SLC25A21: variants seen among roughly 807,000 people sequenced by gnomAD.
SLC25A21 encodes the protein mitochondrial 2-oxodicarboxylate carrier.
In SLC25A21, 47 loss-of-function variants were observed where a neutral mutation model predicts 43.8. The observed-to-expected ratio is 1.07, with a 90% confidence interval of 0.85 to 1.37. The LOEUF (loss-of-function observed/expected upper bound fraction) is 1.37. Ranked by LOEUF, SLC25A21 falls within the 40% of genes most tolerant of loss-of-function variation. The pLI, the probability that SLC25A21 is intolerant of heterozygous loss-of-function variation, is 0.00. For synonymous variants in SLC25A21, 131 were observed against 121.3 expected (o/e 1.08, Z -0.52); for missense variants, 352 against 350.2 (o/e 1.00, Z -0.04).
Position 37,172,451 on chromosome 14 carries a change from C to G in SLC25A21, c.-101G>C. ...AGAGAGCCCCGGCTGGGCTGGTCCTCAAGCGCGTTGGCTCCCTGTGGAGCA... is the reference window on the plus strand; with the variant it reads ...AGAGAGCCCCGGCTGGGCTGGTCCTGAAGCGCGTTGGCTCCCTGTGGAGCA... On this transcript the variant is annotated 5_prime_UTR_variant, in exon 1 of 10. Transcript: ENST00000331299. 8.0e-7 allele frequency: 1 copy of G among 1,257,548 alleles called. No homozygotes were observed. The highest frequency in any genetic ancestry group is 1.1e-6 in the Non-Finnish European group (1 of 879,084). The allele number at this position is 1,257,548 out of a possible 1,614,324, so 77.9% of individuals were successfully genotyped here.
intron 1 of SLC25A21, among the ~76,000 whole-genome samples, chr14:37,011,830 C>T (rs576163166): frequency 6.6e-6 from 1 of 152,168 alleles, no homozygotes. Flanking sequence ...TTGGCTAGAG[C>T]ATTCCGAGCA....
At chr14:36,856,881 C>G (rs1391852559) in intron 2 of SLC25A21, among the ~76,000 whole-genome samples, 1 of 152,212 alleles carries the variant, frequency 6.6e-6, no homozygotes, top group Non-Finnish European at 1.5e-5. Context: ...ACATGAATAT[C>G]TGGCTTGCTT....
intron 1 of SLC25A21, among the ~76,000 whole-genome samples, chr14:37,165,671 G>C (rs1964018348): frequency 3.3e-5 from 5 of 152,114 alleles, no homozygotes; most frequent in Admixed American, 3.3e-4. Flanking sequence ...CCTAGTAAGA[G>C]CAGGACCACT....
At chr14:36,994,381 A>G (rs1351299030) in intron 1 of SLC25A21, among the ~76,000 whole-genome samples, 1 of 152,228 alleles carries the variant, frequency 6.6e-6, no homozygotes, top group Non-Finnish European at 1.5e-5. Flanking sequence ...TAAGGTAATC[A>G]GACATTTCCT....
intron 7 of SLC25A21, among the ~76,000 whole-genome samples, chr14:36,690,419 T>G (rs2139150492): frequency 6.6e-6 from 1 of 152,306 alleles, no homozygotes; most frequent in Admixed American, 6.5e-5. Flanking sequence ...GTTAAGTCAG[T>G]TGTCCAAGAT....
chr14:37,059,057 A>C (rs1961889256), intron 1 of SLC25A21, among the ~76,000 whole-genome samples: 1 of 152,218 alleles, frequency 6.6e-6, no homozygotes. Context: ...TAATTATTCA[A>C]GTATCTTTTC....
At chr14:36,999,870 T>G (rs1960449994) in intron 1 of SLC25A21, among the ~76,000 whole-genome samples, 1 of 152,138 alleles carries the variant, frequency 6.6e-6, no homozygotes, top group African/African-American at 2.4e-5. Flanking sequence ...TATTATCCAT[T>G]GTCTGTCTTC....
chr14:36,690,087 G>T (rs1290141369), intron 7 of SLC25A21, among the ~76,000 whole-genome samples: 1 of 152,176 alleles, frequency 6.6e-6, no homozygotes, highest in Non-Finnish European at 1.5e-5. Flanking sequence ...GGGGTCACCT[G>T]ATCTGAGTGA....
chr14:37,138,249 C>T (rs1041204435), intron 1 of SLC25A21, among the ~76,000 whole-genome samples: 1 of 151,920 alleles, frequency 6.6e-6, no homozygotes, highest in South Asian at 2.1e-4. Flanking sequence ...ATAAAAGATA[C>T]GAAGAAAAAG....
chr14:36,841,476 A>AT (rs1889381840), intron 2 of SLC25A21, among the ~76,000 whole-genome samples: 1 of 151,952 alleles, frequency 6.6e-6, no homozygotes, highest in Non-Finnish European at 1.5e-5. Flanking sequence ...ATCCTCCTGC[A>AT]TTTTTTTCCC....
chr14:36,704,744 C>T (rs1225689931), intron 7 of SLC25A21, among the ~76,000 whole-genome samples: 2 of 151,908 alleles, frequency 1.3e-5, no homozygotes, highest in African/African-American at 4.8e-5. Flanking sequence ...ATGATACAGT[C>T]GAAAGAGTTC....
At chr14:36,919,088 GATGAATGAATGA>G (rs112178475) in intron 1 of SLC25A21, among the ~76,000 whole-genome samples, 118 of 151,784 alleles carry the variant, frequency 7.8e-4, no homozygotes, top group African/African-American at 2.6e-3. Flanking sequence ...TAAATGAATG[GATGAATGAATGA>G]ATGAATGAAT....
intron 1 of SLC25A21, among the ~76,000 whole-genome samples, chr14:37,007,621 T>TAAC (rs1413975698): frequency 1.1e-4 from 17 of 151,216 alleles, no homozygotes; most frequent in Admixed American, 5.3e-4. Flanking sequence ...ATAATAATAA[T>TAAC]AAAGAACTTT....
chr14:36,911,206 C>T (rs111809065), intron 1 of SLC25A21, among the ~76,000 whole-genome samples: 2,413 of 152,262 alleles, frequency 0.016, 60 homozygotes, highest in African/African-American at 0.054. Context: ...TACTTTATTA[C>T]GTGCTTTCAT....
intron 7 of SLC25A21, among the ~76,000 whole-genome samples, chr14:36,702,590 T>G (rs1883328295): frequency 6.6e-6 from 1 of 152,116 alleles, no homozygotes; most frequent in South Asian, 2.1e-4. Context: ...GTTTATAAAT[T>G]CTCACAGCTT....
At chr14:36,777,241 C>G (rs971189375) in intron 3 of SLC25A21, among the ~76,000 whole-genome samples, 5 of 152,072 alleles carry the variant, frequency 3.3e-5, no homozygotes, top group African/African-American at 9.7e-5. Flanking sequence ...ATGGGCAACA[C>G]AGCGAGACTC....
Position 36,978,732 on chromosome 14 carries a change from T to C in SLC25A21, c.71-103728A>G, listed in dbSNP as rs142076838. Among the ~76,000 whole-genome samples, 384 of 152,300 alleles carry C rather than the reference T, an allele frequency of 2.5e-3. 5 individuals carry two copies. In the East Asian group the frequency reaches 0.04, roughly 16 times the overall value. On this transcript the variant is annotated intron_variant, in intron 1 of 9. Coordinates refer to ENST00000331299, the MANE Select transcript of SLC25A21 (RefSeq NM_030631.4). ...GGAGGATTTTGTTTTGCATATTGTA[T>C]ACCATTTAGACTTGGTTACTCTCAA...
intron 1 of SLC25A21, among the ~76,000 whole-genome samples, chr14:37,084,093 G>A (rs1962439006): frequency 3.9e-5 from 6 of 152,120 alleles, no homozygotes. Context: ...TTCACTCTCA[G>A]AAGTGCCACA....
At chr14:37,088,974 A>C (rs1485753134) in intron 1 of SLC25A21, among the ~76,000 whole-genome samples, 2 of 152,156 alleles carry the variant, frequency 1.3e-5, no homozygotes, top group East Asian at 3.9e-4. Context: ...GTCTAACATA[A>C]CTTTTTAAAA....
Sources: gnomAD v4.1 joint callset for allele counts (sites outside exome capture counted in the v4.1 genomes callset) on GRCh38, gnomAD v4.1.1 for gene constraint, MANE v1.5 for transcripts, NCBI Gene and HGNC (gene_info 2026-07-23, HGNC 2026-07-21) for gene names.